Variants in RFPL4AL1 observed in about 807,000 individuals in gnomAD.
RFPL4AL1 encodes the protein ret finger protein-like 4A-like protein 1.
In RFPL4AL1, 2 loss-of-function variants were observed where a neutral mutation model predicts 8.2. The observed-to-expected ratio is 0.24, with a 90% CI of 0.10 to 0.77. RFPL4AL1 has a LOEUF of 0.77. Ranked by LOEUF, RFPL4AL1 falls within the 30% of genes least tolerant of loss-of-function variation. RFPL4AL1 has a pLI of 0.72. For missense variants in RFPL4AL1, 57 were observed against 350.3 expected (o/e 0.16, Z 6.68); for synonymous variants, 25 against 131.8 (o/e 0.19, Z 5.55).
At chr19:55,769,963 G>C (rs1035934993) in intron 1 of RFPL4AL1, among the ~76,000 whole-genome samples, 1 of 151,932 alleles carries the variant, frequency 6.6e-6, no homozygotes, top group African/African-American at 2.4e-5. Flanking sequence ...ACAGACGCTG[G>C]GGTTGTTTCC....
chr19:55,769,449 G>A (rs1233283080), intron 1 of RFPL4AL1, among the ~76,000 whole-genome samples: 1 of 151,580 alleles, frequency 6.6e-6, no homozygotes, highest in African/African-American at 2.4e-5. Flanking sequence ...CGGTGGCTGC[G>A]TTACTCAACG....
chr19:55,769,698 A>G (rs1233775848), intron 1 of RFPL4AL1, among the ~76,000 whole-genome samples: 8 of 151,692 alleles, frequency 5.3e-5, no homozygotes, highest in African/African-American at 9.7e-5. Context: ...TTATTTCTTT[A>G]ATTGTTTTGA....
chr19:55,771,655 G>C, intron 1 of RFPL4AL1, 141 bp from the exon 2 acceptor site: 1 of 1,023,250 alleles, frequency 9.8e-7, no homozygotes, highest in South Asian at 1.5e-5. Context: ...TATTCATGTT[G>C]TGTCTTCATC....
At chr19:55,769,920 A>G (rs1233766871) in intron 1 of RFPL4AL1, among the ~76,000 whole-genome samples, 2 of 150,546 alleles carry the variant, frequency 1.3e-5, no homozygotes, top group African/African-American at 5.0e-5. Flanking sequence ...AATCCAATGT[A>G]TATATCACCA....
At position 55,771,086 on chromosome 19, in the gene RFPL4AL1, G is replaced by GGTTTTTTTTTTTTTT. The variant is rs1555799526; in HGVS notation, c.-9-710_-9-709insGTTTTTTTTTTTTTT. ...TTGGTTTCTTTTAGTTCTGTTTTTT[G>GGTTTTTTTTTTTTTT]TTTTTTTTTTTTTTTTTTTCCGCTA... On this transcript the variant is annotated intron_variant, in intron 1 of 2. Transcript: ENST00000341750. Among the ~76,000 whole-genome samples the GGTTTTTTTTTTTTTT allele has an allele frequency of 3.8e-5, 5 of 130,384 alleles. 2 individuals carry two copies. Among genetic ancestry groups the GGTTTTTTTTTTTTTT allele is most frequent in the African/African-American group, 6.1e-5 (2 of 32,662 alleles). The allele number at this position is 130,384 out of a possible 152,430, so 85.5% of individuals were successfully genotyped here.
At chr19:55,772,232 C>G in intron 2 of RFPL4AL1, 142 bp downstream of exon 2, 1 of 652,870 alleles carries the variant, frequency 1.5e-6, no homozygotes, top group Non-Finnish European at 2.5e-6. Flanking sequence ...CAGTTCTCAC[C>G]TTTGCGTAGA....
rs1471370498 is a variant in RFPL4AL1, at chr19:55,771,776, G to T, written c.-9-20G>T. The T allele has an allele frequency of 6.4e-7, 1 of 1,551,344 alleles. No homozygotes were observed. Among genetic ancestry groups the T allele is most frequent in the Non-Finnish European group, 8.7e-7 (1 of 1,146,734 alleles). ...CAGCTCGTGGAAATTCTAATTCCGT[G>T]TTCATTTTTTTTTCTACAGACATTT... On this transcript the variant is annotated intron_variant, in intron 1 of 2. Transcript: ENST00000341750.
At position 55,772,014 on chromosome 19, in the gene RFPL4AL1, G is replaced by A; in HGVS notation, c.210G>A (p.Leu70=). The A allele has an allele frequency of 6.6e-7, 1 of 1,516,520 alleles. No homozygotes were observed. The highest frequency in any genetic ancestry group is 8.9e-7 in the Non-Finnish European group (1 of 1,123,262). 93.9% of individuals were successfully genotyped at this position (1,516,520 alleles called of 1,614,324 possible). The part of the protein sequence containing the change: ...DIKPKYKLRA[L]VSIIKELEPK... ...AGCCCAAGTACAAGCTGAGGGCGCT[G>A]GTTTCCATCATCAAGGAACTAGAGC... The change falls in exon 2 of 3, where the codon CTG becomes CTA. Residue 70 remains leucine, a synonymous_variant. Transcript: ENST00000341750.
In RFPL4AL1 at chr19:55,771,779, C is replaced by A. The variant is rs758487590; in HGVS notation, c.-9-17C>A. 6.4e-7 allele frequency: 1 copy of A among 1,551,374 alleles called. No homozygotes were observed. Among genetic ancestry groups the A allele is most frequent in the Non-Finnish European group, 8.7e-7 (1 of 1,146,734 alleles). ...CTCGTGGAAATTCTAATTCCGTGTT[C>A]ATTTTTTTTTCTACAGACATTTGCC... is the stretch of plus-strand genomic sequence containing the variant. On this transcript the variant is annotated splice_polypyrimidine_tract_variant and intron_variant, in intron 1 of 2. Transcript: ENST00000341750.
At position 55,772,105 on chromosome 19, in the gene RFPL4AL1, G is replaced by A; in HGVS notation, c.286+15G>A. ...GAAGTTTCAAGGTAAGGAATCTATA[G>A]GACCTGCCACAACCCATAAAAGGCA... On this transcript the variant is annotated intron_variant, in intron 2 of 2. Coordinates refer to ENST00000341750, the MANE Select transcript of RFPL4AL1 (RefSeq NM_001277397.2). 5 of 1,468,376 alleles carry A rather than the reference G, an allele frequency of 3.4e-6. No individual in the cohort carries two copies. Among genetic ancestry groups the A allele is most frequent in the Non-Finnish European group, 4.6e-6 (5 of 1,088,954 alleles). The allele number at this position is 1,468,376 out of a possible 1,614,324, so 91.0% of individuals were successfully genotyped here.
chr19:55,773,122 C>T lies in RFPL4AL1; in HGVS notation c.807C>T (p.Ile269=), dbSNP rs1255188657. ...AAGATGATCAGAGCATCCTGAGTAT[C>T]TGTTCTGTGATCAATCCATCCACTG... ...GSQDDQSILS[I]CSVINPSTAS... The change falls in exon 3 of 3, where the codon ATC becomes ATT. Residue 269 remains isoleucine, a synonymous_variant. Transcript: ENST00000341750. 6.5e-7 allele frequency: 1 copy of T among 1,544,248 alleles called. No individual in the cohort carries two copies. The highest frequency in any genetic ancestry group is 1.4e-5 in the African/African-American group (1 of 72,284).
At chr19:55,769,481 G>T (rs557967332) in intron 1 of RFPL4AL1, among the ~76,000 whole-genome samples, 221 of 151,494 alleles carry the variant, frequency 1.5e-3, no homozygotes, top group African/African-American at 5.2e-3. Context: ...TATGGGTTTG[G>T]TATTGTTTTC....
intron 1 of RFPL4AL1, among the ~76,000 whole-genome samples, chr19:55,771,073 A>C (rs1266140186): frequency 1.7e-5 from 2 of 120,184 alleles, no homozygotes; most frequent in Admixed American, 1.8e-4. Context: ...GGTTTCTTTT[A>C]GTTCTGTTTT....
intron 1 of RFPL4AL1, among the ~76,000 whole-genome samples, chr19:55,771,086 G>GTTTTTTTTTT (rs74183507): frequency 2.3e-5 from 3 of 130,372 alleles, no homozygotes; most frequent in Admixed American, 7.6e-5. Flanking sequence ...TCTGTTTTTT[G>GTTTTTTTTTT]TTTTTTTTTT....
chr19:55,771,368 T>A (rs1431885427), intron 1 of RFPL4AL1, among the ~76,000 whole-genome samples: 5 of 152,168 alleles, frequency 3.3e-5, no homozygotes, highest in Admixed American at 3.3e-4. Flanking sequence ...ATTTAAGATG[T>A]GAGCAACTTG....
intron 1 of RFPL4AL1, 79 bp from the exon 2 acceptor site, chr19:55,771,717 A>T: frequency 6.6e-7 from 1 of 1,519,358 alleles, no homozygotes; most frequent in Admixed American, 2.1e-5. Context: ...ATGCATGTAA[A>T]GATAAAAGCC....
chr19:55,772,434 A>C (rs1403475198), intron 2 of RFPL4AL1, among the ~76,000 whole-genome samples, 168 bp from the exon 3 acceptor site: 1 of 129,810 alleles, frequency 7.7e-6, no homozygotes, highest in African/African-American at 2.7e-5. Flanking sequence ...CTATAGATAC[A>C]ATTTAACCTC....
intron 1 of RFPL4AL1, among the ~76,000 whole-genome samples, 176 bp downstream of exon 1, chr19:55,769,351 T>C (rs1172877296): frequency 6.6e-6 from 1 of 151,960 alleles, no homozygotes; most frequent in Non-Finnish European, 1.5e-5. Context: ...TCTTAGATTT[T>C]CAATACCAAG....
chr19:55,771,583 C>T (rs1310905862), intron 1 of RFPL4AL1, among the ~76,000 whole-genome samples: 1 of 146,756 alleles, frequency 6.8e-6, no homozygotes, highest in African/African-American at 2.4e-5. Context: ...GTGAATCATG[C>T]CCTTTATTCC....
Sources: allele counts gnomAD v4.1 joint callset (sites outside exome capture counted in the v4.1 genomes callset), GRCh38; gene constraint gnomAD v4.1.1; transcripts MANE v1.5; gene names NCBI Gene and HGNC (gene_info 2026-07-23, HGNC 2026-07-21).